OSBPL10: variants seen among roughly 807,000 people sequenced by gnomAD.
OSBPL10 encodes the protein oxysterol binding protein like 10, also known as oxysterol-binding protein-related protein 10.
A neutral mutation model predicts 81.7 loss-of-function variants in OSBPL10; 49 were observed. The ratio of observed to expected loss-of-function variants is 0.60; its 90% confidence interval spans 0.48 to 0.76. The LOEUF is 0.76. Ranked by LOEUF, OSBPL10 falls within the 30% of genes least tolerant of loss-of-function variation. The pLI is 0.00. For synonymous variants in OSBPL10, 419 were observed against 383.6 expected, an observed-to-expected ratio of 1.09 and a Z score of -1.08; for missense variants, 923 against 987.8, an observed-to-expected ratio of 0.93 and a Z score of 0.88.
intron 2 of OSBPL10, among the ~76,000 whole-genome samples, chr3:32,021,717 T>C (rs1201601343): frequency 2.6e-5 from 4 of 152,302 alleles, no homozygotes; most frequent in African/African-American, 9.6e-5. Context: ...CTCACACCTG[T>C]AATTCTAGCA....
intron 3 of OSBPL10, among the ~76,000 whole-genome samples, chr3:31,874,853 C>T (rs963375657): frequency 2.0e-5 from 3 of 152,036 alleles, no homozygotes; most frequent in African/African-American, 7.2e-5. Context: ...GGTATAAATT[C>T]ATCCTACAGA....
intron 2 of OSBPL10, among the ~76,000 whole-genome samples, chr3:32,002,830 A>G (rs1053280173): frequency 7.6e-6 from 1 of 132,326 alleles, no homozygotes; most frequent in East Asian, 1.9e-4. Context: ...ATCTGCTTTT[A>G]TCTTTTATTC....
intron 4 of OSBPL10, among the ~76,000 whole-genome samples, chr3:31,762,942 C>G (rs1232488057): frequency 1.3e-5 from 2 of 152,096 alleles, no homozygotes; most frequent in Non-Finnish European, 2.9e-5. Flanking sequence ...GATCACAGCA[C>G]AAAGGCTCAC....
intron 2 of OSBPL10, among the ~76,000 whole-genome samples, chr3:32,038,867 T>C (rs529793675): frequency 1.3e-3 from 200 of 152,004 alleles, no homozygotes; most frequent in African/African-American, 4.4e-3. Flanking sequence ...GAAAAGCAAA[T>C]CCTAGGCAAG....
chr3:32,064,892 G>T (rs1699767157), intron 1 of OSBPL10: 1 of 92,382 alleles, frequency 1.1e-5, no homozygotes, highest in African/African-American at 2.8e-5. Context: ...TTTCTCTTAG[G>T]CATGCCTAAA....
At chr3:31,666,219 T>A (rs534569782) in intron 10 of OSBPL10, among the ~76,000 whole-genome samples, 2 of 152,156 alleles carry the variant, frequency 1.3e-5, no homozygotes, top group Non-Finnish European at 2.9e-5. Flanking sequence ...CCTTAAGTCA[T>A]TGGGCCCCTG....
intron 4 of OSBPL10, among the ~76,000 whole-genome samples, chr3:31,803,186 C>T (rs73059403): frequency 0.1 from 15,371 of 152,046 alleles, 1,012 homozygotes; most frequent in Non-Finnish European, 0.15. Flanking sequence ...TCTGATGGTT[C>T]CACTTCCACA....
intron 10 of OSBPL10, among the ~76,000 whole-genome samples, chr3:31,664,806 G>T (rs1215169822): frequency 6.6e-6 from 1 of 152,136 alleles, no homozygotes; most frequent in Non-Finnish European, 1.5e-5. Context: ...GTGTGTGCAT[G>T]CTTATAGTGC....
chr3:31,962,905 G>C (rs1698207190), intron 1 of OSBPL10, among the ~76,000 whole-genome samples: 1 of 152,176 alleles, frequency 6.6e-6, no homozygotes, highest in Non-Finnish European at 1.5e-5. Context: ...TCTAATGCCT[G>C]ATCTCCTGGA....
intron 4 of OSBPL10, among the ~76,000 whole-genome samples, chr3:31,759,064 CA>C (rs1697962251): frequency 6.6e-6 from 1 of 151,622 alleles, no homozygotes; most frequent in South Asian, 2.1e-4. Flanking sequence ...GATTTCTACA[CA>C]AAGGTTAAAA....
chr3:31,936,884 G>A (rs534693429), intron 1 of OSBPL10, among the ~76,000 whole-genome samples: 3 of 152,250 alleles, frequency 2.0e-5, no homozygotes, highest in African/African-American at 7.2e-5. Flanking sequence ...GGCACTGAAT[G>A]GAACTGAAAC....
At position 31,664,061 on chromosome 3, in the gene OSBPL10, G is replaced by A. The variant is rs1346633579; in HGVS notation, c.2250+18C>T. 3.1e-6 allele frequency: 5 copies of A among 1,613,956 alleles called. No individual in the cohort carries two copies. Among genetic ancestry groups the A allele is most frequent in the Non-Finnish European group, 4.2e-6 (5 of 1,180,030 alleles). On this transcript the variant is annotated intron_variant, in intron 11 of 11. Transcript: ENST00000396556. ...GTTCTCTCCTGGGCAAGGGACCAAT[G>A]ACAGGCGGCAGAGTTACCTCCTGGA...
chr3:31,693,894 A>C lies in OSBPL10; in HGVS notation c.1245+8465T>G, dbSNP rs1000753497. ...GTGATCCTCCTGCCTCAGCCTCCCC[A>C]GTAGCTGGGAACATAGGTGTGTGTT... On this transcript the variant is annotated intron_variant, in intron 7 of 11. Coordinates refer to ENST00000396556, the MANE Select transcript of OSBPL10 (RefSeq NM_017784.5). Among the ~76,000 whole-genome samples, 7 of 152,238 alleles carry C rather than the reference A, an allele frequency of 4.6e-5. 2 individuals carry two copies. The highest frequency in any genetic ancestry group is 2.0e-4 in the Admixed American group (3 of 15,286).
chr3:31,927,605 C>G (rs1256134414), intron 1 of OSBPL10, among the ~76,000 whole-genome samples: 1 of 152,182 alleles, frequency 6.6e-6, no homozygotes, highest in African/African-American at 2.4e-5. Flanking sequence ...AGAGGCTTGT[C>G]CCTTCACTAA....
rs865820815 is a variant in OSBPL10 at position 31,663,115 on chromosome 3, G to A, written c.2250+964C>T. 4.2e-5 allele frequency: 41 copies of A among 985,230 alleles called. No homozygotes were observed. The South Asian group carries it at 9.4e-4, about 23-fold the overall frequency. The allele number at this position is 985,230 out of a possible 1,614,324, so 61.0% of individuals were successfully genotyped here. A position where few individuals can be genotyped will look rare whatever the true frequency, so the allele number is the denominator to read the frequency against. Reference sequence around the variant, plus strand: ...TTGCCCTAACTCACTTCTCAGCCTCGTATATAGACAGAATAATCCCTCTTT... The same window carrying A: ...TTGCCCTAACTCACTTCTCAGCCTCATATATAGACAGAATAATCCCTCTTT... On this transcript the variant is annotated intron_variant, in intron 11 of 11. Transcript: ENST00000396556.
chr3:31,752,289 G>C (rs1697746003), intron 4 of OSBPL10, among the ~76,000 whole-genome samples: 1 of 152,152 alleles, frequency 6.6e-6, no homozygotes, highest in Non-Finnish European at 1.5e-5. Context: ...AATCATCCAT[G>C]ATTGTTTAAA....
At chr3:31,923,662 C>A (rs1696984223) in intron 1 of OSBPL10, among the ~76,000 whole-genome samples, 1 of 152,142 alleles carries the variant, frequency 6.6e-6, no homozygotes, top group Non-Finnish European at 1.5e-5. Context: ...TGGTGCACAC[C>A]TGTAGTCCTA....
At chr3:32,039,768 T>C (rs1206317472) in intron 2 of OSBPL10, among the ~76,000 whole-genome samples, 1 of 152,332 alleles carries the variant, frequency 6.6e-6, no homozygotes, top group East Asian at 1.9e-4. Context: ...TTGTGTTATG[T>C]ATTCTATAAC....
chr3:31,828,800 T>C (rs1050062011), intron 4 of OSBPL10, among the ~76,000 whole-genome samples: 5 of 152,222 alleles, frequency 3.3e-5, no homozygotes, highest in Non-Finnish European at 1.5e-5. Flanking sequence ...CCCAAAGTGC[T>C]GGGATTACAG....
Sources: gnomAD v4.1 joint callset for allele counts (sites outside exome capture counted in the v4.1 genomes callset) on GRCh38, gnomAD v4.1.1 for gene constraint, MANE v1.5 for transcripts, NCBI Gene and HGNC (gene_info 2026-07-23, HGNC 2026-07-21) for gene names.